The following NEK7 variants were observed in gnomAD, a reference collection of about 807,000 sequenced individuals.
NEK7 encodes serine/threonine-protein kinase Nek7.
Under a neutral mutation model 44.6 loss-of-function variants are expected in NEK7, and 18 were observed. The ratio of observed to expected loss-of-function variants is 0.40; its 90% CI spans 0.28 to 0.60. The LOEUF is 0.60. NEK7 is among the 20% of genes least tolerant of loss of function. The pLI, the probability that NEK7 is intolerant of heterozygous loss-of-function variation, is 0.38. For synonymous variants in NEK7, 130 were observed against 121.1 expected (o/e 1.07, Z -0.48); for missense variants, 256 against 366.5 (o/e 0.70, Z 2.46).
chr1:198,197,243 A>G (rs1243892150), intron 1 of NEK7, among the ~76,000 whole-genome samples: 2 of 152,074 alleles, frequency 1.3e-5, no homozygotes, highest in African/African-American at 4.8e-5. Flanking sequence ...TAGTTTCTTG[A>G]CAGTTAACAT....
chr1:198,305,690 C>A (rs1210148309), intron 9 of NEK7, among the ~76,000 whole-genome samples: 2 of 152,066 alleles, frequency 1.3e-5, no homozygotes, highest in Admixed American at 1.3e-4. Context: ...TTGGTGTCAT[C>A]ATTTAAATAT....
intron 5 of NEK7, among the ~76,000 whole-genome samples, chr1:198,271,666 T>G (rs2102967321): frequency 6.6e-6 from 1 of 151,942 alleles, no homozygotes; most frequent in East Asian, 1.9e-4. Context: ...TTTACCAGGA[T>G]ACCCACACTT....
At chr1:198,199,226 A>G (rs1012582978) in intron 1 of NEK7, among the ~76,000 whole-genome samples, 2 of 152,344 alleles carry the variant, frequency 1.3e-5, no homozygotes, top group East Asian at 3.9e-4. Context: ...GTTGCAGTAG[A>G]GGTTGCAGCC....
chr1:198,159,288 C>T (rs1003839895), intron 1 of NEK7, among the ~76,000 whole-genome samples: 1 of 151,924 alleles, frequency 6.6e-6, no homozygotes, highest in African/African-American at 2.4e-5. Flanking sequence ...GAGGGCCAGC[C>T]TGGAGAAAGA....
intron 2 of NEK7, among the ~76,000 whole-genome samples, chr1:198,236,749 T>A (rs1390232356): frequency 6.6e-6 from 1 of 152,130 alleles, no homozygotes; most frequent in Non-Finnish European, 1.5e-5. Context: ...AACCCTCCCA[T>A]GTGCACCCCC....
chr1:198,226,828 C>T (rs1384540322), intron 1 of NEK7, among the ~76,000 whole-genome samples: 3 of 151,306 alleles, frequency 2.0e-5, no homozygotes, highest in African/African-American at 7.3e-5. Flanking sequence ...TTGGAGATGG[C>T]CATAAAGAAA....
intron 7 of NEK7, among the ~76,000 whole-genome samples, chr1:198,283,838 G>C (rs949743865): frequency 5.9e-5 from 9 of 151,992 alleles, no homozygotes; most frequent in Non-Finnish European, 1.3e-4. Context: ...AATCACACTG[G>C]TTACAGCCCA....
At chr1:198,258,312 G>A (rs1050629279) in intron 3 of NEK7, among the ~76,000 whole-genome samples, 1 of 152,106 alleles carries the variant, frequency 6.6e-6, no homozygotes, top group Non-Finnish European at 1.5e-5. Flanking sequence ...GGTGGCACAC[G>A]CCTGTAGTCC....
At chr1:198,225,293 C>A (rs1666184922) in intron 1 of NEK7, among the ~76,000 whole-genome samples, 1 of 149,408 alleles carries the variant, frequency 6.7e-6, no homozygotes, top group East Asian at 1.9e-4. Context: ...AGCACTCCAG[C>A]ATATATATAA....
At chr1:198,304,734 A>C (rs1008544764) in intron 9 of NEK7, among the ~76,000 whole-genome samples, 6 of 152,132 alleles carry the variant, frequency 3.9e-5, no homozygotes, top group African/African-American at 1.4e-4. Context: ...ATTTGCTTTG[A>C]TATCTCTTTA....
intron 7 of NEK7, among the ~76,000 whole-genome samples, chr1:198,281,109 A>G (rs1654182158): frequency 6.6e-6 from 1 of 151,916 alleles, no homozygotes; most frequent in South Asian, 2.1e-4. Context: ...GGCTCTTTGG[A>G]CTCCATAAAA....
intron 1 of NEK7, among the ~76,000 whole-genome samples, chr1:198,185,013 G>A (rs1664876640): frequency 6.6e-6 from 1 of 151,996 alleles, no homozygotes; most frequent in Admixed American, 6.6e-5. Flanking sequence ...TGGTGATTTT[G>A]GGAGTCTTGT....
At chr1:198,254,417 T>C (rs936169684) in intron 3 of NEK7, among the ~76,000 whole-genome samples, 1 of 152,188 alleles carries the variant, frequency 6.6e-6, no homozygotes, top group Non-Finnish European at 1.5e-5. Context: ...TTTTAAACTT[T>C]ACATAAATGA....
chr1:198,214,021 G>C (rs1017352707), intron 1 of NEK7, among the ~76,000 whole-genome samples: 2 of 152,044 alleles, frequency 1.3e-5, no homozygotes, highest in African/African-American at 4.8e-5. Context: ...TCATATACCC[G>C]GCACATTGCT....
intron 1 of NEK7, chr1:198,198,286 A>G (rs901589879): frequency 6.3e-6 from 3 of 477,238 alleles, no homozygotes; most frequent in Non-Finnish European, 1.2e-5. Context: ...GTGACCACAC[A>G]CTAGGTGAAA....
At chr1:198,254,571 T>C (rs566861611) in intron 3 of NEK7, among the ~76,000 whole-genome samples, 73 of 152,312 alleles carry the variant, frequency 4.8e-4, no homozygotes, top group African/African-American at 1.6e-3. Context: ...CACTTGTTCT[T>C]GTTGATTGTT....
chr1:198,161,656 A>G (rs1246152177), intron 1 of NEK7, among the ~76,000 whole-genome samples: 1 of 152,154 alleles, frequency 6.6e-6, no homozygotes. Flanking sequence ...GTTTGTCAGC[A>G]TAAGAACCTC....
At chr1:198,230,253 G>T (rs1311927914) in intron 1 of NEK7, among the ~76,000 whole-genome samples, 1 of 152,088 alleles carries the variant, frequency 6.6e-6, no homozygotes, top group African/African-American at 2.4e-5. Flanking sequence ...ATGCTAAAAG[G>T]TATTTGGATT....
At chr1:198,279,096 T>C in intron 7 of NEK7, 35 bp downstream of exon 7, 1 of 1,215,800 alleles carries the variant, frequency 8.2e-7, no homozygotes, top group Non-Finnish European at 1.2e-6. Context: ...TCAGTTACTT[T>C]GTGTATGTGT....
Sources: gnomAD v4.1 joint callset for allele counts (sites outside exome capture counted in the v4.1 genomes callset) on GRCh38, gnomAD v4.1.1 for gene constraint, MANE v1.5 for transcripts, NCBI Gene and HGNC (gene_info 2026-07-23, HGNC 2026-07-21) for gene names.